SLC25A4: variants seen among roughly 807,000 people sequenced by gnomAD.
The protein encoded by SLC25A4 is ADP/ATP translocase 1.
Under a neutral mutation model 24.7 loss-of-function variants are expected in SLC25A4, and 10 were observed. The ratio of observed to expected loss-of-function variants is 0.41; its 90% confidence interval spans 0.25 to 0.69. The LOEUF (loss-of-function observed/expected upper bound fraction) is 0.69, where lower values mean the gene tolerates loss of function less well. Ranked by LOEUF, SLC25A4 falls within the 30% of genes least tolerant of loss-of-function variation. The probability of loss-of-function intolerance (pLI) is 0.35; values close to 1 mark genes in which losing one functional copy is unlikely to be tolerated. For synonymous variants in SLC25A4, 125 were observed against 153.3 expected (o/e 0.82, Z 1.36); for missense variants, 273 against 387.6 (o/e 0.70, Z 2.48).
Position 185,147,686 on chromosome 4 carries a change from T to C in SLC25A4, c.*715T>C, listed in dbSNP as rs528642216. 6.6e-6 allele frequency: 1 copy of C among 152,328 alleles called. No individual in the cohort carries two copies. Among genetic ancestry groups the C allele is most frequent in the Non-Finnish European group, 1.5e-5 (1 of 68,114 alleles). The allele number at this position is 152,328 out of a possible 1,614,324, so 9.4% of individuals were successfully genotyped here. A position where few individuals can be genotyped will look rare whatever the true frequency, so the allele number is the denominator to read the frequency against. ...TTTTATGTTAAGTAGAGAGTATTCATTGAAAATCAAGGCCAGGTGCAGTGG... is the reference window on the plus strand; with the variant it reads ...TTTTATGTTAAGTAGAGAGTATTCACTGAAAATCAAGGCCAGGTGCAGTGG... On this transcript the variant is annotated 3_prime_UTR_variant, in exon 4 of 4. Transcript: ENST00000281456.
In SLC25A4 at chr4:185,145,982, C is replaced by A. The variant is rs1734435813; in HGVS notation, c.739+83C>A. The A allele has an allele frequency of 3.3e-6, 5 of 1,507,070 alleles. No individual in the cohort carries two copies. The highest frequency in any genetic ancestry group is 1.9e-5 in the Admixed American group (1 of 53,878). The allele number at this position is 1,507,070 out of a possible 1,614,324, so 93.4% of individuals were successfully genotyped here. A position where few individuals can be genotyped will look rare whatever the true frequency, so the allele number is the denominator to read the frequency against. ...ACAGGGCTCCTTTCAGTCTTCCTTA[C>A]TGGAAATTAATTTTCAAAATTATTT... On this transcript the variant is annotated intron_variant, in intron 3 of 3. Coordinates refer to ENST00000281456, the MANE Select transcript of SLC25A4 (RefSeq NM_001151.4). The surrounding 1 kb of genome is among the most constrained non-coding windows in gnomAD (Gnocchi z 5.5).
Position 185,145,838 on chromosome 4 carries a change from G to A in SLC25A4, c.678G>A (p.Leu226=), listed in dbSNP as rs772924807. Residue 226 remains leucine, a synonymous_variant, in exon 3 of 4, where the codon CTG becomes CTA. Coordinates refer to ENST00000281456, the MANE Select transcript of SLC25A4 (RefSeq NM_001151.4). The surrounding 1 kb of genome is among the most constrained non-coding windows in gnomAD (Gnocchi z 5.5). ...AGAGTGTGACGGCAGTCGCAGGGCTGGTGTCCTACCCCTTTGACACTGTTC... is the reference window on the plus strand; with the variant it reads ...AGAGTGTGACGGCAGTCGCAGGGCTAGTGTCCTACCCCTTTGACACTGTTC... ...IAQSVTAVAG[L]VSYPFDTVRR... is the part of the protein sequence containing the mutation. 6.8e-6 allele frequency: 11 copies of A among 1,614,064 alleles called. No individual in the cohort carries two copies. The South Asian group carries it at 1.2e-4, about 18-fold the overall frequency.
At chr4:185,146,290 G>C (rs1318286567) in intron 3 of SLC25A4, among the ~76,000 whole-genome samples, 1 of 152,100 alleles carries the variant, frequency 6.6e-6, no homozygotes, top group Non-Finnish European at 1.5e-5. Flanking sequence ...TGTTTAGCTG[G>C]GTAGAGATGG....
At chr4:185,146,731 T>C (rs1734448143) in intron 3 of SLC25A4, 83 bp from the exon 4 acceptor site, 1 of 1,516,554 alleles carries the variant, frequency 6.6e-7, no homozygotes, top group Admixed American at 1.7e-5. Context: ...ATAAAACTGG[T>C]AACAGTGTGT....
rs542820181 is a variant in SLC25A4, at chr4:185,147,228, GATA to G, written c.*262_*264del. On this transcript the variant is annotated 3_prime_UTR_variant, in exon 4 of 4. Transcript: ENST00000281456. ...TACTTGTACAATTAACTGAAGAATT[GATA>G]ATAACTGAATGTGAAACATCAATAA... is the stretch of plus-strand genomic sequence containing the variant. 3.8e-4 allele frequency: 154 copies of G among 407,148 alleles called. 1 individual carries two copies. Among genetic ancestry groups the G allele is most frequent in the Middle Eastern group, 1.3e-3 (2 of 1,482 alleles). The allele number at this position is 407,148 out of a possible 1,614,324, so 25.2% of individuals were successfully genotyped here. A position where few individuals can be genotyped will look rare whatever the true frequency, so the allele number is the denominator to read the frequency against.
At chr4:185,146,789 C>A in intron 3 of SLC25A4, 25 bp from the exon 4 acceptor site, 1 of 1,613,910 alleles carries the variant, frequency 6.2e-7, no homozygotes, top group South Asian at 1.1e-5. Context: ...CGTTACGGAG[C>A]CCTCACCAGC....
At position 185,144,953 on chromosome 4, in the gene SLC25A4, G is replaced by A. The variant is rs1271723621; in HGVS notation, c.301G>A (p.Gly101Arg). The change falls in exon 2 of 4, where the codon GGG becomes AGG. Residue 101 changes from glycine (G) to arginine (R), a missense_variant. By Grantham distance (125) the Gly-to-Arg change is moderately radical. Coordinates refer to ENST00000281456, the MANE Select transcript of SLC25A4 (RefSeq NM_001151.4). ...FKDKYKQLFL[G>R]GVDRHKQFWR... ...GGACAAGTACAAGCAGCTCTTCTTA[G>A]GGGGTGTGGATCGGCATAAGCAGTT... 1 of 1,614,220 alleles carries A rather than the reference G, an allele frequency of 6.2e-7. No homozygotes were observed. The highest frequency in any genetic ancestry group is 1.7e-5 in the Admixed American group (1 of 60,034).
Position 185,145,702 on chromosome 4 carries a change from G to C in SLC25A4, c.599-57G>C. 2 of 1,607,980 alleles carry C rather than the reference G, an allele frequency of 1.2e-6. No homozygotes were observed. Among genetic ancestry groups the C allele is most frequent in the Non-Finnish European group, 1.7e-6 (2 of 1,175,262 alleles). On this transcript the variant is annotated intron_variant, in intron 2 of 3. Coordinates refer to ENST00000281456, the MANE Select transcript of SLC25A4 (RefSeq NM_001151.4). This position sits in a 1 kb window ranked among gnomAD's most constrained non-coding sequence, Gnocchi z 5.5. The stretch of plus-strand genomic sequence containing the variant: ...TGCAGTGGCCTCTCTCCCTCCACCT[G>C]CTTTCTGCTGAGAACAGGCACTTCA...
Position 185,146,954 on chromosome 4 carries a change from A to G in SLC25A4, c.880A>G (p.Ile294Val). ...TTTTGTATTGGTGTTGTATGATGAGATCAAAAAATATGTCTAATGTAATTA... is the reference window on the plus strand; with the variant it reads ...TTTTGTATTGGTGTTGTATGATGAGGTCAAAAAATATGTCTAATGTAATTA... ...GAFVLVLYDE[I>V]KKYV The change falls in exon 4 of 4, where the codon ATC becomes GTC. Residue 294 changes from isoleucine to valine, a missense_variant. Coordinates refer to ENST00000281456, the MANE Select transcript of SLC25A4 (RefSeq NM_001151.4). 1 of 1,614,122 alleles carries G rather than the reference A, an allele frequency of 6.2e-7. No homozygotes were observed. Among genetic ancestry groups the G allele is most frequent in the Non-Finnish European group, 8.5e-7 (1 of 1,179,988 alleles).
intron 3 of SLC25A4, among the ~76,000 whole-genome samples, chr4:185,146,217 G>A (rs1286290990): frequency 1.3e-5 from 2 of 152,146 alleles, no homozygotes; most frequent in African/African-American, 4.8e-5. Flanking sequence ...AAAAGAAGTA[G>A]TTAGCTACTT....
In SLC25A4 at chr4:185,150,166, TG is replaced by T. The variant is rs1318410007; in HGVS notation, c.*3197del. ...AGGTGTTTAGCAAGTTTCTGCTGAA[TG>T]GAAGAGTGAGCGAGAAGGGAAAGTG... is the stretch of plus-strand genomic sequence containing the variant. On this transcript the variant is annotated 3_prime_UTR_variant, in exon 4 of 4. Transcript: ENST00000281456. 12 of 152,210 alleles carry T rather than the reference TG, an allele frequency of 7.9e-5. No homozygotes were observed. The highest frequency in any genetic ancestry group is 2.9e-4 in the African/African-American group (12 of 41,462). The allele number at this position is 152,210 out of a possible 1,614,324, so 9.4% of individuals were successfully genotyped here. A position where few individuals can be genotyped will look rare whatever the true frequency, so the allele number is the denominator to read the frequency against.
rs1460541841 is a variant in SLC25A4 at position 185,150,207 on chromosome 4, A to C, written c.*3236A>C. 1 of 152,304 alleles carries C rather than the reference A, an allele frequency of 6.6e-6. No homozygotes were observed. The highest frequency in any genetic ancestry group is 1.5e-5 in the Non-Finnish European group (1 of 68,072). 9.4% of individuals were successfully genotyped at this position (152,304 alleles called of 1,614,324 possible). ...AAGGGAAAGTGCATCTAAAAAGCAC[A>C]GGGAACCTACAAAATATTTGGGAAA... On this transcript the variant is annotated 3_prime_UTR_variant, in exon 4 of 4. Coordinates refer to ENST00000281456, the MANE Select transcript of SLC25A4 (RefSeq NM_001151.4).
At position 185,148,209 on chromosome 4, in the gene SLC25A4, T is replaced by TA. The variant is rs1174092499; in HGVS notation, c.*1239dup. 2 of 152,086 alleles carry TA rather than the reference T, an allele frequency of 1.3e-5. No homozygotes were observed. Among genetic ancestry groups the TA allele is most frequent in the Non-Finnish European group, 2.9e-5 (2 of 68,028 alleles). 9.4% of individuals were successfully genotyped at this position (152,086 alleles called of 1,614,324 possible). ...GCAGAAAGAGCGACAGAGCTCTCTG[T>TA]AGTCCCTTTTATAAGCTCACTAATC... On this transcript the variant is annotated 3_prime_UTR_variant, in exon 4 of 4. Coordinates refer to ENST00000281456, the MANE Select transcript of SLC25A4 (RefSeq NM_001151.4).
chr4:185,147,189 A>T lies in SLC25A4; in HGVS notation c.*218A>T, dbSNP rs1376694161. 1 of 523,352 alleles carries T rather than the reference A, an allele frequency of 1.9e-6. No individual in the cohort carries two copies. Among genetic ancestry groups the T allele is most frequent in the East Asian group, 3.2e-5 (1 of 31,230 alleles). The allele number at this position is 523,352 out of a possible 1,614,324, so 32.4% of individuals were successfully genotyped here. ...ACATTTAAATTCCCACAGCAAATAG[A>T]AAATAATTTATCATACTTGTACAAT... On this transcript the variant is annotated 3_prime_UTR_variant, in exon 4 of 4. Coordinates refer to ENST00000281456, the MANE Select transcript of SLC25A4 (RefSeq NM_001151.4).
chr4:185,146,944 GTA>G lies in SLC25A4; in HGVS notation c.872_873del (p.Tyr291Ter). 1 of 1,614,114 alleles carries G rather than the reference GTA, an allele frequency of 6.2e-7. No individual in the cohort carries two copies. The highest frequency in any genetic ancestry group is 1.1e-5 in the South Asian group (1 of 91,082). On this transcript the variant is annotated frameshift_variant, in exon 4 of 4. Coordinates refer to ENST00000281456, the MANE Select transcript of SLC25A4 (RefSeq NM_001151.4). LOFTEE classifies it high-confidence loss of function. ...GMGGAFVLVL[Y>X]DEIKKYV ...TGGGCGGTGCTTTTGTATTGGTGTT[GTA>G]TGATGAGATCAAAAAATATGTCTAA...
chr4:185,145,929 G>C lies in SLC25A4; in HGVS notation c.739+30G>C. The C allele has an allele frequency of 6.2e-7, 1 of 1,613,590 alleles. No homozygotes were observed. The highest frequency in any genetic ancestry group is 1.1e-5 in the South Asian group (1 of 90,904). Reference sequence around the variant, plus strand: ...GCTTGTGCTCTACTCATCTAAACTTGTTTGGTTTTGCCCGAGGAGAACATT... The same window carrying C: ...GCTTGTGCTCTACTCATCTAAACTTCTTTGGTTTTGCCCGAGGAGAACATT... On this transcript the variant is annotated intron_variant, in intron 3 of 3. Transcript: ENST00000281456. The surrounding 1 kb of genome is among the most constrained non-coding windows in gnomAD (Gnocchi z 5.5).
chr4:185,146,335 G>T (rs1734442872), intron 3 of SLC25A4, among the ~76,000 whole-genome samples: 1 of 152,162 alleles, frequency 6.6e-6, no homozygotes, highest in South Asian at 2.1e-4. Context: ...GAAAGTTTTG[G>T]CTTCTATAGG....
chr4:185,143,964 A>T (rs1461952463), intron 1 of SLC25A4, among the ~76,000 whole-genome samples: 1 of 152,180 alleles, frequency 6.6e-6, no homozygotes, highest in African/African-American at 2.4e-5. Context: ...TCTGTGAGAG[A>T]GTTATTCTTC....
intron 3 of SLC25A4, among the ~76,000 whole-genome samples, 185 bp downstream of exon 3, chr4:185,146,084 C>A (rs760247956): frequency 1.3e-5 from 2 of 152,104 alleles, no homozygotes; most frequent in African/African-American, 2.4e-5. Flanking sequence ...AAAGTATTTT[C>A]CATTTTATTA....
Sources: gnomAD v4.1 joint callset for allele counts (sites outside exome capture counted in the v4.1 genomes callset) on GRCh38, gnomAD v4.1.1 for gene constraint, Gnocchi (gnomAD v3.1) non-coding constraint, MANE v1.5 for transcripts, NCBI Gene and HGNC (gene_info 2026-07-23, HGNC 2026-07-21) for gene names.